Variants in SIL1 observed in about 807,000 individuals in gnomAD.
SIL1 encodes the protein SIL1 nucleotide exchange factor, also known as nucleotide exchange factor SIL1.
In SIL1, 40 loss-of-function variants were observed where a neutral mutation model predicts 49.1. That is an observed-to-expected ratio of 0.81 (90% confidence interval 0.63 to 1.06). SIL1 has a LOEUF of 1.06. Among genes scored for constraint, SIL1 ranks in the 50% least tolerant of loss-of-function variants. The pLI is 0.00. For missense variants in SIL1, 500 were observed against 572.6 expected, an observed-to-expected ratio of 0.87 and a Z score of 1.29; for synonymous variants, 253 against 250.8, an observed-to-expected ratio of 1.01 and a Z score of -0.08.
Position 138,951,752 on chromosome 5 carries a change from T to C in SIL1, c.864+36A>G, listed in dbSNP as rs532916955. On this transcript the variant is annotated intron_variant, in intron 8 of 9. Transcript: ENST00000394817. ...TTCCTTTCAGGCCCCACACGTGTCC[T>C]GGAGGCTGGGCAGGAGGAAGGGCAT... 8.2e-6 allele frequency: 13 copies of C among 1,590,142 alleles called. No individual in the cohort carries two copies. The Admixed American group carries it at 1.0e-4, about 12-fold the overall frequency.
Position 139,143,304 on chromosome 5 carries a change from T to TACACACAC in SIL1, c.-10-15452_-10-15451insGTGTGTGT, listed in dbSNP as rs1351115706. 2.2e-4 allele frequency among the ~76,000 whole-genome samples: 16 copies of TACACACAC among 73,002 alleles called. 1 individual carries two copies. Among genetic ancestry groups the TACACACAC allele is most frequent in the African/African-American group, 1.2e-3 (16 of 13,478 alleles). 47.9% of individuals were successfully genotyped at this position (73,002 alleles called of 152,430 possible). ...GTATATACACATGTGTATATACATA[T>TACACACAC]ATACACACACACACACACACACACA... On this transcript the variant is annotated intron_variant, in intron 1 of 9. Coordinates refer to ENST00000394817, the MANE Select transcript of SIL1 (RefSeq NM_022464.5).
chr5:139,027,388 T>C (rs1768681652), intron 5 of SIL1, among the ~76,000 whole-genome samples: 3 of 152,200 alleles, frequency 2.0e-5, no homozygotes, highest in African/African-American at 4.8e-5. Context: ...TCTCCACTTC[T>C]CACAATCATA....
At chr5:139,167,436 G>A (rs1390479520) in intron 1 of SIL1, among the ~76,000 whole-genome samples, 1 of 152,166 alleles carries the variant, frequency 6.6e-6, no homozygotes, top group African/African-American at 2.4e-5. Flanking sequence ...TCCTGACCCT[G>A]TGTAGACCTA....
chr5:139,046,196 A>G (rs769189170), intron 4 of SIL1, among the ~76,000 whole-genome samples: 5 of 152,192 alleles, frequency 3.3e-5, no homozygotes, highest in African/African-American at 1.2e-4. Flanking sequence ...GTGTGGTGGC[A>G]GGCACCTGTA....
chr5:139,098,032 C>T (rs1770508076), intron 3 of SIL1, among the ~76,000 whole-genome samples: 1 of 152,144 alleles, frequency 6.6e-6, no homozygotes, highest in Non-Finnish European at 1.5e-5. Flanking sequence ...AAGCAATCTA[C>T]AGATTCATGC....
intron 1 of SIL1, among the ~76,000 whole-genome samples, chr5:139,134,047 A>G (rs1750922524): frequency 6.6e-6 from 1 of 152,234 alleles, no homozygotes; most frequent in African/African-American, 2.4e-5. Context: ...AGCGAGGATT[A>G]AATAAAGCAA....
At chr5:138,960,860 C>T (rs538294135) in intron 7 of SIL1, among the ~76,000 whole-genome samples, 2 of 152,300 alleles carry the variant, frequency 1.3e-5, no homozygotes, top group Admixed American at 1.3e-4. Context: ...GTCTATTATA[C>T]CGGCCTAATC....
At chr5:139,142,838 G>A (rs530959921) in intron 1 of SIL1, among the ~76,000 whole-genome samples, 3 of 151,842 alleles carry the variant, frequency 2.0e-5, no homozygotes, top group East Asian at 1.9e-4. Context: ...GCGCGATCTC[G>A]GTTCACTGCA....
At position 139,040,688 on chromosome 5, in the gene SIL1, G is replaced by A. The variant is rs548610274; in HGVS notation, c.453+1932C>T. 4.4e-4 allele frequency among the ~76,000 whole-genome samples: 67 copies of A among 151,426 alleles called. No homozygotes were observed. The South Asian group carries it at 0.014, about 31-fold the overall frequency. Reference sequence around the variant, plus strand: ...TAATTTTTGCATTTTCAGTAGAGACGGGGTTTCACCATGTTGGCCAGGCTA... The same window carrying A: ...TAATTTTTGCATTTTCAGTAGAGACAGGGTTTCACCATGTTGGCCAGGCTA... On this transcript the variant is annotated intron_variant, in intron 5 of 9. Transcript: ENST00000394817.
rs1269108241 is a variant in SIL1, at chr5:139,007,884, T to C, written c.767+13287A>G. ...TTGCCAGTATTTTATTGAGGATTTTTGCATCAATGTTCATCAAGGATATTG... is the reference window on the plus strand; with the variant it reads ...TTGCCAGTATTTTATTGAGGATTTTCGCATCAATGTTCATCAAGGATATTG... On this transcript the variant is annotated intron_variant, in intron 7 of 9. Coordinates refer to ENST00000394817, the MANE Select transcript of SIL1 (RefSeq NM_022464.5). 4.2e-3 allele frequency among the ~76,000 whole-genome samples: 630 copies of C among 148,378 alleles called. 6 individuals are homozygous for C. Among genetic ancestry groups the C allele is most frequent in the African/African-American group, 0.014 (579 of 40,470 alleles).
intron 3 of SIL1, among the ~76,000 whole-genome samples, chr5:139,107,728 C>A (rs937978827): frequency 1.3e-5 from 2 of 152,164 alleles, no homozygotes; most frequent in African/African-American, 2.4e-5. Flanking sequence ...AATTTGGGTT[C>A]ATCTGATGTC....
At chr5:139,123,102 G>A (rs375224747) in intron 2 of SIL1, among the ~76,000 whole-genome samples, 1 of 152,166 alleles carries the variant, frequency 6.6e-6, no homozygotes, top group Non-Finnish European at 1.5e-5. Flanking sequence ...ATAGATTCCA[G>A]GCTGTGTTGT....
At chr5:139,066,481 C>G (rs777711607) in intron 3 of SIL1, among the ~76,000 whole-genome samples, 1 of 151,952 alleles carries the variant, frequency 6.6e-6, no homozygotes, top group Non-Finnish European at 1.5e-5. Context: ...TTTTAATAGG[C>G]TAGCTTGAGC....
chr5:139,062,571 G>A (rs1434580237), intron 3 of SIL1, among the ~76,000 whole-genome samples: 3 of 152,118 alleles, frequency 2.0e-5, no homozygotes, highest in Non-Finnish European at 4.4e-5. Context: ...CTCATCCACA[G>A]CACCCTAACC....
chr5:139,102,506 G>A (rs902789830), intron 3 of SIL1, among the ~76,000 whole-genome samples: 1 of 148,120 alleles, frequency 6.8e-6, no homozygotes, highest in African/African-American at 2.5e-5. Context: ...AAAAAAGAGA[G>A]AGAGAGAGAG....
At chr5:139,097,451 A>C (rs1482104900) in intron 3 of SIL1, among the ~76,000 whole-genome samples, 1 of 152,046 alleles carries the variant, frequency 6.6e-6, no homozygotes, top group African/African-American at 2.4e-5. Flanking sequence ...CAGTAAAGAT[A>C]CAAAATCAAC....
At chr5:139,022,853 C>T (rs1010091766) in intron 6 of SIL1, among the ~76,000 whole-genome samples, 2 of 152,216 alleles carry the variant, frequency 1.3e-5, no homozygotes, top group Non-Finnish European at 2.9e-5. Context: ...TCCTTCCTTC[C>T]CTACATGCTC....
chr5:139,027,956 G>A (rs1768698100), intron 5 of SIL1, among the ~76,000 whole-genome samples: 1 of 152,114 alleles, frequency 6.6e-6, no homozygotes, highest in African/African-American at 2.4e-5. Context: ...AAAAGACCAA[G>A]CTCCTAGCGG....
intron 7 of SIL1, among the ~76,000 whole-genome samples, chr5:139,020,062 CTT>C (rs753621158): frequency 6.6e-6 from 1 of 152,162 alleles, no homozygotes; most frequent in Non-Finnish European, 1.5e-5. Flanking sequence ...TCCTGGGAGA[CTT>C]TGGTTCTGGG....
Sources: allele counts gnomAD v4.1 joint callset (sites outside exome capture counted in the v4.1 genomes callset), GRCh38; gene constraint gnomAD v4.1.1; transcripts MANE v1.5; gene names NCBI Gene and HGNC (gene_info 2026-07-23, HGNC 2026-07-21).